NIPBL: variants seen among roughly 807,000 people sequenced by gnomAD.
NIPBL encodes NIPBL cohesin loading factor, also known as nipped-B-like protein.
In NIPBL, 19 loss-of-function variants were observed where a neutral mutation model predicts 321.8. That is an observed-to-expected ratio of 0.06 (90% CI 0.04 to 0.09). NIPBL has a LOEUF of 0.09. Ranked by LOEUF, NIPBL falls within the 10% of genes least tolerant of loss-of-function variation. The pLI, the probability that NIPBL is intolerant of heterozygous loss-of-function variation, is 1.00. For missense variants in NIPBL, 2,210 were observed against 3,327.0 expected (o/e 0.66, Z 8.26); for synonymous variants, 1,106 against 1,114.1 (o/e 0.99, Z 0.14).
intron 18 of NIPBL, among the ~76,000 whole-genome samples, 158 bp downstream of exon 18, chr5:37,007,632 T>TCC (rs1220987156): frequency 6.6e-6 from 1 of 151,898 alleles, no homozygotes; most frequent in African/African-American, 2.4e-5. Flanking sequence ...ACTTCAGGAG[T>TCC]TTTAAAAAGA....
intron 11 of NIPBL, among the ~76,000 whole-genome samples, chr5:36,999,662 A>G (rs1219107951): frequency 1.3e-5 from 2 of 152,200 alleles, no homozygotes; most frequent in Non-Finnish European, 2.9e-5. Flanking sequence ...GCAGAATGCT[A>G]AAATGATGGG....
chr5:36,928,325 T>G (rs1308815419), intron 1 of NIPBL, among the ~76,000 whole-genome samples: 1 of 152,206 alleles, frequency 6.6e-6, no homozygotes, highest in Non-Finnish European at 1.5e-5. Flanking sequence ...TGCCTATTCT[T>G]CTCAAGAAAT....
rs1303269572 is a variant in NIPBL, at chr5:36,877,154, T to G, written c.-104T>G. Reference sequence around the variant, plus strand: ...CGCCACAGCGGCCTCGGCCTCCCCTTGGATTCAGACGCCGATTCGCCCAGG... The same window carrying G: ...CGCCACAGCGGCCTCGGCCTCCCCTGGGATTCAGACGCCGATTCGCCCAGG... On this transcript the variant is annotated 5_prime_UTR_variant, in exon 1 of 47. Transcript: ENST00000282516. 1.9e-5 allele frequency: 5 copies of G among 268,132 alleles called. No individual in the cohort carries two copies. The highest frequency in any genetic ancestry group is 2.8e-5 in the Non-Finnish European group (4 of 144,440). 16.6% of individuals were successfully genotyped at this position (268,132 alleles called of 1,614,324 possible). A position where few individuals can be genotyped will look rare whatever the true frequency, so the allele number is the denominator to read the frequency against.
chr5:36,920,357 G>C (rs1466174503), intron 1 of NIPBL, among the ~76,000 whole-genome samples: 1 of 152,142 alleles, frequency 6.6e-6, no homozygotes, highest in Non-Finnish European at 1.5e-5. Context: ...ATGATATTCA[G>C]ATATGGTGAA....
At chr5:37,024,552 T>C in intron 29 of NIPBL, 33 bp from the exon 30 acceptor site, 1 of 1,582,170 alleles carries the variant, frequency 6.3e-7, no homozygotes, top group Non-Finnish European at 8.7e-7. Flanking sequence ...ATCTCAATTT[T>C]TCTGACTCTT....
chr5:36,967,734 A>G (rs1400101469), intron 6 of NIPBL, among the ~76,000 whole-genome samples: 1 of 152,156 alleles, frequency 6.6e-6, no homozygotes, highest in Non-Finnish European at 1.5e-5. Context: ...GCTGTATTGC[A>G]CAGGCTAGAC....
Position 37,028,541 on chromosome 5 carries a change from A to G in NIPBL, c.5862+1129A>G, listed in dbSNP as rs573987046. On this transcript the variant is annotated intron_variant, in intron 32 of 46. Coordinates refer to ENST00000282516, the MANE Select transcript of NIPBL (RefSeq NM_133433.4). Reference sequence around the variant, plus strand: ...TTTTTAGTAGAGATGAAGTTTCGCCATGTTGGCCAGGCTGGTCTCAAACTC... The same window carrying G: ...TTTTTAGTAGAGATGAAGTTTCGCCGTGTTGGCCAGGCTGGTCTCAAACTC... Among the ~76,000 whole-genome samples, 5 of 152,008 alleles carry G rather than the reference A, an allele frequency of 3.3e-5. No homozygotes were observed. In the South Asian group the frequency reaches 1.0e-3, roughly 32 times the overall value.
intron 1 of NIPBL, among the ~76,000 whole-genome samples, chr5:36,908,378 TTTTG>T (rs1409416221): frequency 3.9e-5 from 6 of 152,138 alleles, no homozygotes; most frequent in East Asian, 1.9e-4. Context: ...GTTTATGCTT[TTTTG>T]TTTGTTTTTA....
Position 36,986,168 on chromosome 5 carries a change from T to C in NIPBL, c.2988T>C (p.Asn996=). 1 of 1,613,588 alleles carries C rather than the reference T, an allele frequency of 6.2e-7. No homozygotes were observed. Among genetic ancestry groups the C allele is most frequent in the Non-Finnish European group, 8.5e-7 (1 of 1,179,822 alleles). ...VEKIGLVEDL[N]KGAKPVVVLQ... ...AAATAGGATTAGTTGAAGATCTAAA[T>C]AAAGGAGCTAAGCCTGTAGTTGTGC... is the stretch of plus-strand genomic sequence containing the variant. The change falls in exon 10 of 47, where the codon AAT becomes AAC. Residue 996 remains asparagine (N), a synonymous_variant. Coordinates refer to ENST00000282516, the MANE Select transcript of NIPBL (RefSeq NM_133433.4).
chr5:36,916,095 C>T (rs1748437229), intron 1 of NIPBL, among the ~76,000 whole-genome samples: 1 of 152,162 alleles, frequency 6.6e-6, no homozygotes. Flanking sequence ...CTTCAAAAAG[C>T]TATTTCTTGA....
At chr5:37,056,978 CTT>C in intron 42 of NIPBL, among the ~76,000 whole-genome samples, 1 of 151,850 alleles carries the variant, frequency 6.6e-6, no homozygotes, top group South Asian at 2.1e-4. Context: ...ACCTGTCTCC[CTT>C]TCCCTTTTTC....
chr5:37,038,309 C>T (rs1751952309), intron 33 of NIPBL, among the ~76,000 whole-genome samples: 1 of 152,024 alleles, frequency 6.6e-6, no homozygotes, highest in African/African-American at 2.4e-5. Context: ...TAGATAAAAC[C>T]AATACGACAT....
intron 1 of NIPBL, among the ~76,000 whole-genome samples, chr5:36,892,747 T>C (rs951688805): frequency 3.3e-5 from 5 of 151,588 alleles, no homozygotes; most frequent in Admixed American, 6.6e-5. Context: ...GTGAGAACCC[T>C]TGGACACAGG....
chr5:36,985,245 A>C lies in NIPBL; in HGVS notation c.2065A>C (p.Asn689His). ...CACAAAACCAAATGACAACAAACAA[A>C]ATAATGGCAGATCAGAAACAACAAA... Reference protein sequence around the residue: ...SDTKPNDNKQNNGRSETTKSR... With the variant: ...SDTKPNDNKQHNGRSETTKSR... The change falls in exon 10 of 47, where the codon AAT (asparagine) becomes CAT (histidine). Residue 689 changes from asparagine to histidine, a missense_variant. Asn to His is a moderately conservative substitution (Grantham distance 68). Coordinates refer to ENST00000282516, the MANE Select transcript of NIPBL (RefSeq NM_133433.4). The C allele has an allele frequency of 6.2e-7, 1 of 1,613,790 alleles. No homozygotes were observed. Among genetic ancestry groups the C allele is most frequent in the Non-Finnish European group, 8.5e-7 (1 of 1,179,944 alleles).
At chr5:36,948,384 A>G (rs1285003272) in intron 1 of NIPBL, among the ~76,000 whole-genome samples, 3 of 151,998 alleles carry the variant, frequency 2.0e-5, no homozygotes, top group East Asian at 1.9e-4. Flanking sequence ...ACTGTTAACT[A>G]TTAAGCATAG....
Position 36,876,943 on chromosome 5 carries a change from CGGTA to C in NIPBL, c.-313_-310del. ...TCCCGGGCCCGCGGCGATGCCCCCC[CGGTA>C]GCTCGGGCCCGTGGTCGGGTGTTTG... On this transcript the variant is annotated 5_prime_UTR_variant, in exon 1 of 47. An upstream open reading frame in the 5' UTR loses its in-frame stop. Transcript: ENST00000282516. 1 of 396,246 alleles carries C rather than the reference CGGTA, an allele frequency of 2.5e-6. No individual in the cohort carries two copies. The highest frequency in any genetic ancestry group is 4.5e-6 in the Non-Finnish European group (1 of 224,600). 24.5% of individuals were successfully genotyped at this position (396,246 alleles called of 1,614,324 possible). A position where few individuals can be genotyped will look rare whatever the true frequency, so the allele number is the denominator to read the frequency against.
chr5:37,042,788 T>G (rs1288319356), intron 34 of NIPBL, among the ~76,000 whole-genome samples: 1 of 148,934 alleles, frequency 6.7e-6, no homozygotes, highest in Non-Finnish European at 1.5e-5. Context: ...ATCGCGCCAC[T>G]GCATTCCAGC....
Position 36,995,656 on chromosome 5 carries a change from C to A in NIPBL, c.3156C>A (p.Pro1052=). 6.2e-7 allele frequency: 1 copy of A among 1,613,024 alleles called. No homozygotes were observed. Among genetic ancestry groups the A allele is most frequent in the Non-Finnish European group, 8.5e-7 (1 of 1,179,350 alleles). Residue 1052 remains proline, a synonymous_variant, in exon 11 of 47, where the codon CCC becomes CCA. Coordinates refer to ENST00000282516, the MANE Select transcript of NIPBL (RefSeq NM_133433.4). ...ATCAATCAGTGTTAAAAGAATTACC[C>A]CCTGAACTCCTGGCAGAAATTGAGT... ...SIDQSVLKEL[P]PELLAEIEST...
At chr5:36,928,525 T>C (rs1346484662) in intron 1 of NIPBL, among the ~76,000 whole-genome samples, 2 of 152,228 alleles carry the variant, frequency 1.3e-5, no homozygotes, top group Non-Finnish European at 2.9e-5. Context: ...AGGAGATTAA[T>C]ATCTCTAGAT....
Sources: gnomAD v4.1 joint callset for allele counts (sites outside exome capture counted in the v4.1 genomes callset) on GRCh38, gnomAD v4.1.1 for gene constraint, MANE v1.5 for transcripts, NCBI Gene and HGNC (gene_info 2026-07-23, HGNC 2026-07-21) for gene names.